HUNK: variants seen among roughly 807,000 people sequenced by gnomAD.
The protein encoded by HUNK is hormonally up-regulated neu tumor-associated kinase.
A neutral mutation model predicts 61.0 loss-of-function variants in HUNK; 21 were observed. The ratio of observed to expected loss-of-function variants is 0.34; its 90% CI spans 0.24 to 0.50. The LOEUF (loss-of-function observed/expected upper bound fraction) is 0.50, where lower values mean the gene tolerates loss of function less well. Among genes scored for constraint, HUNK ranks in the 20% least tolerant of loss-of-function variants. The pLI is 0.98. For synonymous variants in HUNK, 371 were observed against 386.1 expected (o/e 0.96, Z 0.46); for missense variants, 772 against 945.7 (o/e 0.82, Z 2.41).
At chr21:31,910,768 CCTT>C (rs1057239106) in intron 1 of HUNK, among the ~76,000 whole-genome samples, 3 of 152,144 alleles carry the variant, frequency 2.0e-5, no homozygotes, top group Non-Finnish European at 4.4e-5. Context: ...GGCAGGATCT[CCTT>C]CTGATACCAG....
rs540246391 is a variant in HUNK, at chr21:31,931,197, T to C, written c.554+6437T>C. Among the ~76,000 whole-genome samples the C allele has an allele frequency of 3.3e-5, 5 of 152,142 alleles. No individual in the cohort carries two copies. In the South Asian group the frequency reaches 1.0e-3, roughly 32 times the overall value. ...TTAAAATCCATCTTGTGACCATCCCTGTAGGCAAAACTTTTTCCATCCAAC... is the reference window on the plus strand; with the variant it reads ...TTAAAATCCATCTTGTGACCATCCCCGTAGGCAAAACTTTTTCCATCCAAC... On this transcript the variant is annotated intron_variant, in intron 2 of 10. Coordinates refer to ENST00000270112, the MANE Select transcript of HUNK (RefSeq NM_014586.2).
At chr21:31,892,443 G>C (rs1398397243) in intron 1 of HUNK, among the ~76,000 whole-genome samples, 2 of 151,384 alleles carry the variant, frequency 1.3e-5, no homozygotes, top group African/African-American at 2.4e-5. Flanking sequence ...GGTGGCGCAT[G>C]CCTGTAGTCC....
At chr21:31,882,689 T>C (rs2052317337) in intron 1 of HUNK, among the ~76,000 whole-genome samples, 1 of 152,204 alleles carries the variant, frequency 6.6e-6, no homozygotes, top group Non-Finnish European at 1.5e-5. Flanking sequence ...TCTGTTCTAG[T>C]TACCTTGAAA....
Position 31,995,697 on chromosome 21 carries a change from C to A in HUNK, c.1306-71C>A, listed in dbSNP as rs796525900. ...GAGTTTCTCTAATCAGTTTGGATGACTTTTCAAAGAGGAATCCCATTGTGT... is the reference window on the plus strand; with the variant it reads ...GAGTTTCTCTAATCAGTTTGGATGAATTTTCAAAGAGGAATCCCATTGTGT... On this transcript the variant is annotated intron_variant, in intron 9 of 10. Coordinates refer to ENST00000270112, the MANE Select transcript of HUNK (RefSeq NM_014586.2). 6 of 1,276,698 alleles carry A rather than the reference C, an allele frequency of 4.7e-6. No homozygotes were observed. The South Asian group carries it at 6.7e-5, about 14-fold the overall frequency. The allele number at this position is 1,276,698 out of a possible 1,614,324, so 79.1% of individuals were successfully genotyped here.
chr21:31,944,506 G>C (rs2052789186), intron 3 of HUNK, among the ~76,000 whole-genome samples: 1 of 152,078 alleles, frequency 6.6e-6, no homozygotes, highest in Non-Finnish European at 1.5e-5. Context: ...TGGGAATCCA[G>C]AGACAGTCCC....
intron 1 of HUNK, among the ~76,000 whole-genome samples, chr21:31,876,981 A>C (rs2211781): frequency 0.34 from 51,517 of 151,860 alleles, 9,193 homozygotes; most frequent in Middle Eastern, 0.46. Context: ...CCACATTAGG[A>C]GGGGAATGAA....
chr21:31,883,748 A>G (rs563139953), intron 1 of HUNK, among the ~76,000 whole-genome samples: 46 of 152,300 alleles, frequency 3.0e-4, no homozygotes, highest in Admixed American at 2.9e-3. Context: ...CATACTCTAA[A>G]TGGAGTTATT....
At chr21:31,917,349 C>T (rs780387062) in intron 1 of HUNK, among the ~76,000 whole-genome samples, 15 of 152,186 alleles carry the variant, frequency 9.9e-5, no homozygotes, top group Middle Eastern at 3.4e-3. Context: ...CGAGCCACCA[C>T]GCCTGGTTAA....
At chr21:31,983,418 AT>A (rs1371269186) in intron 7 of HUNK, 107 bp from the exon 8 acceptor site, 1 of 860,854 alleles carries the variant, frequency 1.2e-6, no homozygotes, top group Non-Finnish European at 1.8e-6. Flanking sequence ...ACTGCCAAAC[AT>A]TTCCAGCATT....
At chr21:31,986,494 C>T (rs541032154) in intron 8 of HUNK, among the ~76,000 whole-genome samples, 12 of 152,228 alleles carry the variant, frequency 7.9e-5, no homozygotes, top group African/African-American at 1.4e-4. Context: ...GCCGTCAGAG[C>T]GAGCTTTTCA....
chr21:31,994,226 C>A (rs2053188748), intron 9 of HUNK, among the ~76,000 whole-genome samples: 1 of 152,162 alleles, frequency 6.6e-6, no homozygotes, highest in African/African-American at 2.4e-5. Flanking sequence ...CCATGTCACC[C>A]CTTTGTTAGG....
chr21:31,974,593 A>G lies in HUNK; in HGVS notation c.1049A>G (p.His350Arg). ...GATCTGAGCCCGAGCGTCGTGCTGC[A>G]CATGACCGAGAAGCTGGGTTACAAG... ...LEDLSPSVVLHMTEKLGYKNS... is the reference protein window; with the variant it reads ...LEDLSPSVVLRMTEKLGYKNS... Residue 350 changes from histidine to arginine, a missense_variant, in exon 7 of 11, where the codon CAC (histidine) becomes CGC (arginine). Physicochemically the swap from His to Arg is conservative, Grantham distance 29. Coordinates refer to ENST00000270112, the MANE Select transcript of HUNK (RefSeq NM_014586.2). 6.2e-7 allele frequency: 1 copy of G among 1,613,710 alleles called. No homozygotes were observed.
chr21:31,910,505 T>G (rs944635402), intron 1 of HUNK, among the ~76,000 whole-genome samples: 4 of 151,706 alleles, frequency 2.6e-5, no homozygotes, highest in Non-Finnish European at 4.4e-5. Flanking sequence ...TTTTTTTTTT[T>G]TGAGACTGAG....
chr21:31,932,069 G>A (rs1353996802), intron 2 of HUNK, among the ~76,000 whole-genome samples: 1 of 152,096 alleles, frequency 6.6e-6, no homozygotes, highest in African/African-American at 2.4e-5. Flanking sequence ...ACCCACACAC[G>A]TACACTCATG....
intron 1 of HUNK, among the ~76,000 whole-genome samples, chr21:31,903,696 C>A (rs938828420): frequency 6.6e-6 from 1 of 152,222 alleles, no homozygotes; most frequent in African/African-American, 2.4e-5. Context: ...AAAATTTACC[C>A]CTCCGTTAAC....
chr21:31,908,521 G>C (rs1240714834), intron 1 of HUNK, among the ~76,000 whole-genome samples: 1 of 152,076 alleles, frequency 6.6e-6, no homozygotes, highest in East Asian at 1.9e-4. Flanking sequence ...CGGGCAACAG[G>C]TGGGGAGAAG....
chr21:31,900,726 C>T (rs867256091), intron 1 of HUNK, among the ~76,000 whole-genome samples: 16 of 152,142 alleles, frequency 1.1e-4, no homozygotes, highest in African/African-American at 3.6e-4. Flanking sequence ...TTGGGTTTAT[C>T]GTGTTTATTG....
chr21:31,989,050 G>C (rs2053153839), intron 8 of HUNK, among the ~76,000 whole-genome samples: 1 of 152,040 alleles, frequency 6.6e-6, no homozygotes, highest in Admixed American at 6.6e-5. Context: ...TTGAACTCCT[G>C]AGCTTAAGGC....
rs2053236590 is a variant in HUNK, at chr21:32,000,152, A to G, written c.*968A>G. The G allele has an allele frequency of 2.5e-6, 1 of 398,954 alleles. No individual in the cohort carries two copies. Among genetic ancestry groups the G allele is most frequent in the Non-Finnish European group, 4.4e-6 (1 of 226,096 alleles). 24.7% of individuals were successfully genotyped at this position (398,954 alleles called of 1,614,324 possible). On this transcript the variant is annotated 3_prime_UTR_variant, in exon 11 of 11. Transcript: ENST00000270112. ...CTGGTTCTGTAGAAAGAGGGAAAAG[A>G]TGATTGTGACAATTCAGAGCATAAC...
Sources: allele counts gnomAD v4.1 joint callset (sites outside exome capture counted in the v4.1 genomes callset), GRCh38; gene constraint gnomAD v4.1.1; transcripts MANE v1.5; gene names NCBI Gene and HGNC (gene_info 2026-07-23, HGNC 2026-07-21).